Variants in SLC6A4 observed in about 807,000 individuals in gnomAD.
SLC6A4 encodes sodium-dependent serotonin transporter.
A neutral mutation model predicts 73.4 loss-of-function variants in SLC6A4; 22 were observed. The observed-to-expected ratio is 0.30, with a 90% CI of 0.21 to 0.43. SLC6A4 has a LOEUF of 0.43. SLC6A4 is among the 20% of genes least tolerant of loss of function. SLC6A4 has a pLI of 1.00. For missense variants in SLC6A4, 593 were observed against 808.5 expected (o/e 0.73, Z 3.23); for synonymous variants, 270 against 315.5 (o/e 0.86, Z 1.53).
Position 30,217,288 on chromosome 17 carries a change from T to C in SLC6A4, c.715A>G (p.Ile239Val), listed in dbSNP as rs945159627. 6.2e-7 allele frequency: 1 copy of C among 1,613,958 alleles called. No individual in the cohort carries two copies. Among genetic ancestry groups the C allele is most frequent in the Non-Finnish European group, 8.5e-7 (1 of 1,179,950 alleles). The part of the protein sequence containing the change: ...EEFYTRHVLQ[I>V]HRSKGLQDLG... Reference sequence around the variant, plus strand: ...TCCTGGAGCCCCTTAGACCGGTGGATCTGCAGGACGTGGCGCCTGGGGTGA... The same window carrying C: ...TCCTGGAGCCCCTTAGACCGGTGGACCTGCAGGACGTGGCGCCTGGGGTGA... Residue 239 changes from isoleucine to valine, a missense_variant, in exon 6 of 15, where the codon ATC (isoleucine) becomes GTC (valine). Ile to Val is a conservative substitution (Grantham distance 29). Transcript: ENST00000650711.
intron 1 of SLC6A4, among the ~76,000 whole-genome samples, chr17:30,230,864 G>T (rs1907090935): frequency 6.6e-6 from 1 of 152,156 alleles, no homozygotes. Context: ...GCTGCTCAAA[G>T]GTGCCTATAC....
chr17:30,204,514 G>C (rs1906129559), intron 13 of SLC6A4: 1 of 152,046 alleles, frequency 6.6e-6, no homozygotes, highest in South Asian at 2.1e-4. Context: ...GAGCCATCCC[G>C]GCTGCTTGTC....
chr17:30,218,176 A>T lies in SLC6A4; in HGVS notation c.640T>A (p.Ser214Thr). The change falls in exon 5 of 15, where the codon TCC becomes ACC. Residue 214 changes from serine (S) to threonine (T), a missense_variant. Coordinates refer to ENST00000650711, the MANE Select transcript of SLC6A4 (RefSeq NM_001045.6). ...WNTGNCTNYF[S>T]EDNITWTLHS... is the part of the protein sequence containing the mutation. ...AGGGTCCAGGTGATGTTGTCCTCGG[A>T]GAAGTAATTGGTGCAGTTGCCAGTG... 6.2e-7 allele frequency: 1 copy of T among 1,614,154 alleles called. No individual in the cohort carries two copies. Among genetic ancestry groups the T allele is most frequent in the Non-Finnish European group, 8.5e-7 (1 of 1,180,022 alleles).
At chr17:30,230,089 AGAAGAAGAGGAG>A (rs1479015208) in intron 1 of SLC6A4, among the ~76,000 whole-genome samples, 1,749 of 132,354 alleles carry the variant, frequency 0.013, 24 homozygotes, top group Middle Eastern at 0.028. Flanking sequence ...AAGAAGAAGA[AGAAGAAGAGGAG>A]GAAGAGGAAG....
chr17:30,220,333 T>C (rs1906707512), intron 3 of SLC6A4, among the ~76,000 whole-genome samples: 3 of 152,126 alleles, frequency 2.0e-5, no homozygotes, highest in Admixed American at 2.0e-4. Context: ...TGATAACAAG[T>C]CCAGAGGCCC....
Position 30,195,480 on chromosome 17 carries a change from C to G in SLC6A4, c.*2976G>C, listed in dbSNP as rs1399626546. 1 of 152,184 alleles carries G rather than the reference C, an allele frequency of 6.6e-6. No homozygotes were observed. The highest frequency in any genetic ancestry group is 2.4e-5 in the African/African-American group (1 of 41,424). 9.4% of individuals were successfully genotyped at this position (152,184 alleles called of 1,614,324 possible). A position where few individuals can be genotyped will look rare whatever the true frequency, so the allele number is the denominator to read the frequency against. The stretch of plus-strand genomic sequence containing the variant: ...TTCACCATGTTGGCCAGGCTGGTCT[C>G]GAACTCCTGACCTCAAGTGATCCGC... On this transcript the variant is annotated 3_prime_UTR_variant, in exon 15 of 15. Transcript: ENST00000650711.
At chr17:30,204,960 G>GC (rs910759846) in intron 13 of SLC6A4, among the ~76,000 whole-genome samples, 5 of 152,130 alleles carry the variant, frequency 3.3e-5, no homozygotes, top group African/African-American at 1.2e-4. Context: ...ACAGCCCCAA[G>GC]CCCCAGGGCA....
intron 1 of SLC6A4, among the ~76,000 whole-genome samples, chr17:30,231,450 T>G (rs538695507): frequency 8.7e-4 from 132 of 151,568 alleles, no homozygotes; most frequent in Middle Eastern, 7.0e-3. Context: ...TATATCTGTA[T>G]GTATCTGTAT....
intron 1 of SLC6A4, among the ~76,000 whole-genome samples, chr17:30,223,827 T>C (rs1402775092): frequency 1.3e-5 from 2 of 152,188 alleles, no homozygotes; most frequent in Non-Finnish European, 1.5e-5. Context: ...TCACCATTTA[T>C]GCTACTGCCT....
Position 30,207,831 on chromosome 17 carries a change from G to T in SLC6A4, c.1551C>A (p.Gly517=). The T allele has an allele frequency of 6.2e-7, 1 of 1,611,930 alleles. No individual in the cohort carries two copies. The highest frequency in any genetic ancestry group is 8.5e-7 in the Non-Finnish European group (1 of 1,178,116). ...TCACGTCCCTGCAGAACTGAGTGAT[G>T]CCTGGAACCGCCCAAGGGGAAGAGA... is the stretch of plus-strand genomic sequence containing the variant. ...IEAVAVSWFY[G]ITQFCRDVKE... The change falls in exon 13 of 15, where the codon GGC becomes GGA. Residue 517 remains glycine (G), a splice_region_variant and synonymous_variant. Transcript: ENST00000650711.
intron 1 of SLC6A4, among the ~76,000 whole-genome samples, chr17:30,233,677 A>T (rs1367829517): frequency 6.6e-6 from 1 of 152,196 alleles, no homozygotes; most frequent in Non-Finnish European, 1.5e-5. Flanking sequence ...CTGATATGTT[A>T]CTGGGAATAA....
At chr17:30,198,622 T>A (rs951409615) in intron 14 of SLC6A4, 92 bp from the exon 15 acceptor site, 10 of 698,064 alleles carry the variant, frequency 1.4e-5, no homozygotes, top group Middle Eastern at 3.1e-4. Context: ...AAAGCTTAAA[T>A]AACACTTTAA....
At chr17:30,210,870 C>T (rs1906364055) in intron 10 of SLC6A4, among the ~76,000 whole-genome samples, 1 of 152,192 alleles carries the variant, frequency 6.6e-6, no homozygotes, top group African/African-American at 2.4e-5. Flanking sequence ...CAAAATAGCA[C>T]ACGTGGACAG....
intron 11 of SLC6A4, among the ~76,000 whole-genome samples, 178 bp from the exon 12 acceptor site, chr17:30,209,420 C>T (rs992050986): frequency 6.6e-6 from 1 of 152,134 alleles, no homozygotes; most frequent in African/African-American, 2.4e-5. Context: ...GCCTGTCATC[C>T]CAGCACTTTG....
chr17:30,195,868 G>GA lies in SLC6A4; in HGVS notation c.*2587dup, dbSNP rs1905844159. The GA allele has an allele frequency of 6.7e-6, 1 of 150,356 alleles. No homozygotes were observed. Among genetic ancestry groups the GA allele is most frequent in the African/African-American group, 2.5e-5 (1 of 40,726 alleles). The allele number at this position is 150,356 out of a possible 1,614,324, so 9.3% of individuals were successfully genotyped here. A position where few individuals can be genotyped will look rare whatever the true frequency, so the allele number is the denominator to read the frequency against. ...AGTTTCGCTCTTGTCATCCAGGCTGGAATGCAGTGGAACGTTTGGCTCACT... is the reference window on the plus strand; with the variant it reads ...AGTTTCGCTCTTGTCATCCAGGCTGGAAATGCAGTGGAACGTTTGGCTCACT... On this transcript the variant is annotated 3_prime_UTR_variant, in exon 15 of 15. Transcript: ENST00000650711.
At chr17:30,200,792 T>C (rs1040226001) in intron 14 of SLC6A4, among the ~76,000 whole-genome samples, 6 of 152,184 alleles carry the variant, frequency 3.9e-5, no homozygotes, top group Non-Finnish European at 8.8e-5. Context: ...TTATTTAATT[T>C]TTTTGAGACA....
Position 30,217,212 on chromosome 17 carries a change from G to C in SLC6A4, c.791C>G (p.Thr264Ser), listed in dbSNP as rs769577662. 4 of 1,614,078 alleles carry C rather than the reference G, an allele frequency of 2.5e-6. No homozygotes were observed. The South Asian group carries it at 3.3e-5, about 13-fold the overall frequency. ...QLALCIMLIF[T>S]VIYFSIWKGV... is the part of the protein sequence containing the mutation. ...TTTCCAGATGCTGAAGTAGATAACA[G>C]TGAAGATCAGCATGATGCAGAGGGC... is the stretch of plus-strand genomic sequence containing the variant. The change falls in exon 6 of 15, where the codon ACT becomes AGT. Residue 264 changes from threonine (T) to serine (S), a missense_variant. Physicochemically the swap from Thr to Ser is moderately conservative, Grantham distance 58. Coordinates refer to ENST00000650711, the MANE Select transcript of SLC6A4 (RefSeq NM_001045.6).
Position 30,207,762 on chromosome 17 carries a change from G to T in SLC6A4, c.1620C>A (p.Cys540Ter), listed in dbSNP as rs907584878. Residue 540 changes from cysteine (C) to a stop codon, truncating the protein, a stop_gained, in exon 13 of 15, where the codon TGC (cysteine) becomes TGA (stop). Transcript: ENST00000650711. LOFTEE classifies it high-confidence loss of function. The part of the protein sequence containing the change: ...GFSPGWFWRI[C>*]WVAISPLFLL... The stretch of plus-strand genomic sequence containing the variant: ...GAAACAGAGGGCTGATGGCCACCCA[G>T]CAGATCCTCCAGAACCACCCCGGGC... 16 of 1,613,636 alleles carry T rather than the reference G, an allele frequency of 9.9e-6. No individual in the cohort carries two copies. Among genetic ancestry groups the T allele is most frequent in the Non-Finnish European group, 1.4e-5 (16 of 1,179,580 alleles).
Position 30,211,223 on chromosome 17 carries a change from C to T in SLC6A4, c.1317+89G>A. 3.5e-6 allele frequency: 3 copies of T among 866,526 alleles called. No individual in the cohort carries two copies. Among genetic ancestry groups the T allele is most frequent in the African/African-American group, 1.6e-5 (1 of 61,034 alleles). The allele number at this position is 866,526 out of a possible 1,614,324, so 53.7% of individuals were successfully genotyped here. A position where few individuals can be genotyped will look rare whatever the true frequency, so the allele number is the denominator to read the frequency against. On this transcript the variant is annotated intron_variant, in intron 10 of 14. Coordinates refer to ENST00000650711, the MANE Select transcript of SLC6A4 (RefSeq NM_001045.6). This position sits in a 1 kb window ranked among gnomAD's most constrained non-coding sequence, Gnocchi z 4.0. ...GAGTAGCCAAAGCTGCCTGGGATGG[C>T]CAGGGATGGGAGGGAATTGAGTCCA...
Sources: allele counts gnomAD v4.1 joint callset (sites outside exome capture counted in the v4.1 genomes callset), GRCh38; gene constraint gnomAD v4.1.1; non-coding constraint Gnocchi (gnomAD v3.1); transcripts MANE v1.5; gene names NCBI Gene and HGNC (gene_info 2026-07-23, HGNC 2026-07-21).